The following LEKR1 variants were observed in gnomAD, a reference collection of about 807,000 sequenced individuals.
LEKR1 encodes leucine, glutamate and lysine rich 1.
LEKR1 carries 59 observed loss-of-function variants against 72.4 expected under a neutral mutation model. The observed-to-expected ratio is 0.82, with a 90% CI of 0.66 to 1.01. LEKR1 has a LOEUF of 1.01. Ranked by LOEUF, LEKR1 falls within the 50% of genes least tolerant of loss-of-function variation. The pLI, the probability that LEKR1 is intolerant of heterozygous loss-of-function variation, is 0.00. For missense variants in LEKR1, 728 were observed against 759.2 expected, an observed-to-expected ratio of 0.96 and a Z score of 0.48; for synonymous variants, 257 against 263.2, an observed-to-expected ratio of 0.98 and a Z score of 0.23.
chr3:156,986,810 T>C (rs1730729564), intron 7 of LEKR1, among the ~76,000 whole-genome samples: 1 of 152,232 alleles, frequency 6.6e-6, no homozygotes, highest in South Asian at 2.1e-4. Flanking sequence ...ATCATCATTG[T>C]GTTTGTTTCA....
intron 10 of LEKR1, among the ~76,000 whole-genome samples, chr3:157,024,447 T>C (rs1734053465): frequency 6.6e-6 from 1 of 152,116 alleles, no homozygotes. Context: ...ATTTTCTGAG[T>C]TGCTGGCAAG....
At chr3:156,831,614 A>G (rs180673228) in intron 2 of LEKR1, among the ~76,000 whole-genome samples, 53 of 152,324 alleles carry the variant, frequency 3.5e-4, no homozygotes, top group African/African-American at 1.1e-3. Flanking sequence ...CTGAAGAACA[A>G]GGGATGTCTT....
chr3:156,826,604 CG>C, intron 1 of LEKR1: 1 of 155,710 alleles, frequency 6.4e-6, no homozygotes, highest in Admixed American at 6.5e-5. Flanking sequence ...CTCCCAGCCC[CG>C]GGGAACGCGC....
intron 12 of LEKR1, among the ~76,000 whole-genome samples, chr3:157,030,548 T>A (rs1274241654): frequency 6.6e-6 from 1 of 152,168 alleles, no homozygotes; most frequent in Non-Finnish European, 1.5e-5. Flanking sequence ...GACTGAAAGC[T>A]CGAACATTTG....
At chr3:156,828,347 C>T (rs1366295308) in intron 1 of LEKR1, among the ~76,000 whole-genome samples, 1 of 152,212 alleles carries the variant, frequency 6.6e-6, no homozygotes, top group Non-Finnish European at 1.5e-5. Flanking sequence ...CTTCTCCAGT[C>T]TCTTGTCAAA....
chr3:156,944,343 TATA>T, intron 6 of LEKR1, among the ~76,000 whole-genome samples: 1 of 152,000 alleles, frequency 6.6e-6, no homozygotes, highest in African/African-American at 2.4e-5. Context: ...GCATACAATG[TATA>T]ATAATTATGT....
intron 11 of LEKR1, among the ~76,000 whole-genome samples, chr3:157,027,183 T>C (rs1305239584): frequency 6.8e-6 from 1 of 147,656 alleles, no homozygotes; most frequent in East Asian, 2.0e-4. Context: ...AAATCTTGCT[T>C]TTTTTTTTTT....
In LEKR1 at chr3:156,848,031, G is replaced by A. The variant is rs544140342; in HGVS notation, c.49-4737G>A. Reference sequence around the variant, plus strand: ...AGAGTTTTCTTTAGAATAAAGATAGGACACTTTGCCAGGAGCAGGGCAAGA... The same window carrying A: ...AGAGTTTTCTTTAGAATAAAGATAGAACACTTTGCCAGGAGCAGGGCAAGA... On this transcript the variant is annotated intron_variant, in intron 2 of 12. Coordinates refer to ENST00000356539, the MANE Select transcript of LEKR1 (RefSeq NM_001004316.3). Among the ~76,000 whole-genome samples the A allele has an allele frequency of 6.6e-5, 10 of 152,276 alleles. No individual in the cohort carries two copies. In the South Asian group the frequency reaches 1.9e-3, roughly 28 times the overall value.
intron 3 of LEKR1, among the ~76,000 whole-genome samples, chr3:156,873,447 T>G (rs1718198553): frequency 6.6e-6 from 1 of 152,116 alleles, no homozygotes; most frequent in African/African-American, 2.4e-5. Flanking sequence ...AGGCATATTC[T>G]TGTCATTGAT....
At chr3:156,879,698 T>C (rs1375688308) in intron 3 of LEKR1, among the ~76,000 whole-genome samples, 2 of 151,954 alleles carry the variant, frequency 1.3e-5, no homozygotes, top group Non-Finnish European at 2.9e-5. Flanking sequence ...GAAAAAATGG[T>C]TTTGTGTGCC....
At chr3:156,899,645 CACATATAT>C (rs1430146956) in intron 3 of LEKR1, among the ~76,000 whole-genome samples, 7 of 138,670 alleles carry the variant, frequency 5.0e-5, no homozygotes, top group Non-Finnish European at 9.2e-5. Context: ...CGCATATATA[CACATATAT>C]ACACGCATAT....
At chr3:156,838,733 A>G in intron 2 of LEKR1, among the ~76,000 whole-genome samples, 1 of 152,242 alleles carries the variant, frequency 6.6e-6, no homozygotes, top group East Asian at 1.9e-4. Context: ...TCAGTTCCAG[A>G]GAAATAAGCA....
At chr3:156,898,917 A>G (rs1721486332) in intron 3 of LEKR1, among the ~76,000 whole-genome samples, 1 of 152,192 alleles carries the variant, frequency 6.6e-6, no homozygotes, top group African/African-American at 2.4e-5. Context: ...CAAAAGGTTT[A>G]AATGAAAAAA....
intron 10 of LEKR1, among the ~76,000 whole-genome samples, chr3:157,020,434 C>T (rs1409342708): frequency 3.0e-5 from 3 of 98,784 alleles, no homozygotes; most frequent in Admixed American, 1.2e-4. Context: ...CCCCCTCCCC[C>T]CACCCTACAT....
intron 7 of LEKR1, among the ~76,000 whole-genome samples, chr3:156,980,503 G>A (rs1353265151): frequency 1.3e-5 from 2 of 152,028 alleles, no homozygotes; most frequent in African/African-American, 4.8e-5. Flanking sequence ...GACCCCCTAG[G>A]CCCAGGAAGT....
intron 9 of LEKR1, 29 bp from the exon 10 acceptor site, chr3:157,011,384 G>T (rs753485015): frequency 1.4e-6 from 2 of 1,475,810 alleles, no homozygotes; most frequent in Admixed American, 1.7e-5. Flanking sequence ...GGTAAGTATT[G>T]ACTCATTTGT....
chr3:156,948,710 G>A (rs2107973640), intron 6 of LEKR1, among the ~76,000 whole-genome samples: 1 of 151,548 alleles, frequency 6.6e-6, no homozygotes, highest in Non-Finnish European at 1.5e-5. Context: ...GGGTCAAATG[G>A]TAGTTCTGCT....
chr3:156,968,924 G>T (rs1728883591), intron 6 of LEKR1, among the ~76,000 whole-genome samples: 1 of 152,118 alleles, frequency 6.6e-6, no homozygotes, highest in Non-Finnish European at 1.5e-5. Context: ...ATAACAAACT[G>T]CCTTTCAGAC....
chr3:157,024,677 A>T, intron 10 of LEKR1, 83 bp from the exon 11 acceptor site: 1 of 1,012,372 alleles, frequency 9.9e-7, no homozygotes, highest in African/African-American at 1.7e-5. Context: ...AGAACATTTT[A>T]AAACTTAGAG....
Sources: allele counts gnomAD v4.1 joint callset (sites outside exome capture counted in the v4.1 genomes callset), GRCh38; gene constraint gnomAD v4.1.1; transcripts MANE v1.5; gene names NCBI Gene and HGNC (gene_info 2026-07-23, HGNC 2026-07-21).